The following SVOPL variants were observed in gnomAD, a reference collection of about 807,000 sequenced individuals.
SVOPL encodes SVOP like, also known as putative transporter SVOPL.
A neutral mutation model predicts 61.0 loss-of-function variants in SVOPL; 60 were observed. That is an observed-to-expected ratio of 0.98 (90% CI 0.80 to 1.22). The LOEUF (loss-of-function observed/expected upper bound fraction) is 1.22. Ranked by LOEUF, SVOPL falls within the 50% of genes most tolerant of loss-of-function variation. The pLI is 0.00. For missense variants in SVOPL, 662 were observed against 643.9 expected (o/e 1.03, Z -0.30); for synonymous variants, 279 against 250.0 (o/e 1.12, Z -1.09).
intron 15 of SVOPL, among the ~76,000 whole-genome samples, chr7:138,595,281 G>C (rs1798233650): frequency 6.6e-6 from 1 of 152,208 alleles, no homozygotes; most frequent in South Asian, 2.1e-4. Flanking sequence ...TGTCAGTCAG[G>C]TGGTTTCATA....
intron 1 of SVOPL, among the ~76,000 whole-genome samples, chr7:138,700,827 C>T (rs1803180260): frequency 6.6e-6 from 1 of 152,144 alleles, no homozygotes; most frequent in Admixed American, 6.6e-5. Flanking sequence ...GAAAGTAATC[C>T]ATGACCTACC....
At chr7:138,663,441 G>C (rs142619339) in intron 4 of SVOPL, 18,164 of 1,236,194 alleles carry the variant, frequency 0.015, 217 homozygotes, top group South Asian at 0.056. Flanking sequence ...ATGTGTACTT[G>C]TGAATTTCCA....
In SVOPL at chr7:138,649,040, G is replaced by A. The variant is rs759250556; in HGVS notation, c.632C>T (p.Pro211Leu). 1.7e-5 allele frequency: 28 copies of A among 1,613,772 alleles called. No homozygotes were observed. The South Asian group carries it at 2.0e-4, about 11-fold the overall frequency. ...GAAGGCCACGATGAGGATGATGCCC[G>A]GGATGGAGGCGACGCGAATGAGCCA... is the stretch of plus-strand genomic sequence containing the variant. ...WRWLIRVASI[P>L]GIILIVAFKF... The change falls in exon 8 of 16, where the codon CCG (proline) becomes CTG (leucine). Residue 211 changes from proline (P) to leucine (L), a missense_variant. By Grantham distance (98) the Pro-to-Leu change is moderately conservative. Transcript: ENST00000674285.
At chr7:138,691,541 C>T (rs10249820) in intron 1 of SVOPL, among the ~76,000 whole-genome samples, 40,333 of 152,016 alleles carry the variant, frequency 0.27, 7,012 homozygotes, top group African/African-American at 0.47. Flanking sequence ...GCTGTTGTTG[C>T]TGTCGTTGTT....
At chr7:138,679,117 A>G in intron 1 of SVOPL, 38 bp from the exon 2 acceptor site, 1 of 1,400,648 alleles carries the variant, frequency 7.1e-7, no homozygotes, top group South Asian at 1.3e-5. Flanking sequence ...AAAGAAATAT[A>G]ATGGTTATTG....
chr7:138,674,622 C>T lies in SVOPL; in HGVS notation c.175-2505G>A, dbSNP rs186048371. ...CTGTAATCCCAGCACTTTGGGAGGC[C>T]GAGGCGGGCAGATCATGAGGTCAGG... On this transcript the variant is annotated intron_variant, in intron 3 of 15. Coordinates refer to ENST00000674285, the MANE Select transcript of SVOPL (RefSeq NM_001139456.2). Among the ~76,000 whole-genome samples, 5 of 151,858 alleles carry T rather than the reference C, an allele frequency of 3.3e-5. No homozygotes were observed. The East Asian group carries it at 9.7e-4, about 30-fold the overall frequency.
At chr7:138,625,463 T>A (rs1799850335) in intron 13 of SVOPL, among the ~76,000 whole-genome samples, 1 of 152,092 alleles carries the variant, frequency 6.6e-6, no homozygotes, top group Non-Finnish European at 1.5e-5. Flanking sequence ...AAGTGGGAGG[T>A]TTATGAGGAA....
chr7:138,686,739 T>G (rs1290755982), intron 1 of SVOPL, among the ~76,000 whole-genome samples: 1 of 151,980 alleles, frequency 6.6e-6, no homozygotes, highest in Non-Finnish European at 1.5e-5. Context: ...TAATTTTGTA[T>G]TTTTAGTAGA....
intron 4 of SVOPL, among the ~76,000 whole-genome samples, chr7:138,666,561 A>G (rs1027110298): frequency 2.0e-4 from 30 of 152,180 alleles, no homozygotes; most frequent in Admixed American, 2.0e-3. Flanking sequence ...CTGAGATATC[A>G]AGCTGATTTA....
In SVOPL at chr7:138,637,475, G is replaced by GAT. The variant is rs1198640384; in HGVS notation, c.789+7240_789+7241dup. On this transcript the variant is annotated intron_variant, in intron 9 of 15. Coordinates refer to ENST00000674285, the MANE Select transcript of SVOPL (RefSeq NM_001139456.2). Reference sequence around the variant, plus strand: ...AGATAGATATATATATATAGATATAGATATAGATATAGATAGATATATATA... The same window carrying GAT: ...AGATAGATATATATATATAGATATAGATATATAGATATAGATAGATATATATA... Among the ~76,000 whole-genome samples, 32 of 14,146 alleles carry GAT rather than the reference G, an allele frequency of 2.3e-3. 1 individual carries two copies. The highest frequency in any genetic ancestry group is 8.4e-3 in the African/African-American group (30 of 3,552). The allele number at this position is 14,146 out of a possible 152,430, so 9.3% of individuals were successfully genotyped here.
chr7:138,631,993 C>CACACACACACACA (rs1563104619), intron 9 of SVOPL, among the ~76,000 whole-genome samples: 1 of 149,566 alleles, frequency 6.7e-6, no homozygotes, highest in Admixed American at 6.6e-5. Context: ...CATACACACA[C>CACACACACACACA]CCCTACACCC....
In SVOPL at chr7:138,625,850, ATTGTT is replaced by A. The variant is rs1457599104; in HGVS notation, c.1263+114_1263+118del. The A allele has an allele frequency of 8.0e-6, 8 of 993,828 alleles. No homozygotes were observed. In the Admixed American group the frequency reaches 2.0e-4, roughly 25 times the overall value. 61.6% of individuals were successfully genotyped at this position (993,828 alleles called of 1,614,324 possible). On this transcript the variant is annotated intron_variant, in intron 13 of 15. Coordinates refer to ENST00000674285, the MANE Select transcript of SVOPL (RefSeq NM_001139456.2). Reference sequence around the variant, plus strand: ...TAAACTTCTGGTGTCTTTTTAACAGATTGTTTTTAGAAAATCATCAAAAGTCAACA... The same window carrying A: ...TAAACTTCTGGTGTCTTTTTAACAGATTTAGAAAATCATCAAAAGTCAACA...
intron 3 of SVOPL, among the ~76,000 whole-genome samples, chr7:138,673,904 A>C (rs1802490336): frequency 6.6e-6 from 1 of 151,986 alleles, no homozygotes; most frequent in Admixed American, 6.6e-5. Context: ...ACCAGGACTG[A>C]CCAGGCGAGG....
intron 14 of SVOPL, among the ~76,000 whole-genome samples, chr7:138,608,817 C>G (rs1447352902): frequency 6.6e-6 from 1 of 152,084 alleles, no homozygotes; most frequent in Non-Finnish European, 1.5e-5. Flanking sequence ...ATTTGAGTGT[C>G]TATGAACCCC....
At chr7:138,638,474 C>T (rs914497011) in intron 9 of SVOPL, among the ~76,000 whole-genome samples, 2 of 151,882 alleles carry the variant, frequency 1.3e-5, no homozygotes, top group African/African-American at 4.8e-5. Flanking sequence ...ATTTGGAAGA[C>T]AATAATTGGC....
At chr7:138,667,086 T>C (rs905134571) in intron 4 of SVOPL, among the ~76,000 whole-genome samples, 1 of 152,034 alleles carries the variant, frequency 6.6e-6, no homozygotes, top group East Asian at 1.9e-4. Flanking sequence ...CCAAAGTTAA[T>C]AAGAGGAGTT....
intron 13 of SVOPL, among the ~76,000 whole-genome samples, chr7:138,623,743 A>G (rs962710333): frequency 6.6e-6 from 1 of 152,240 alleles, no homozygotes; most frequent in Non-Finnish European, 1.5e-5. Flanking sequence ...TTATAAATTT[A>G]CAAAATAACT....
At chr7:138,684,499 T>C (rs1016133940) in intron 1 of SVOPL, among the ~76,000 whole-genome samples, 1 of 151,984 alleles carries the variant, frequency 6.6e-6, no homozygotes, top group Non-Finnish European at 1.5e-5. Context: ...CCAGTACAAA[T>C]GGCCAATGAA....
chr7:138,630,951 G>GAAAAAAAAAAAAAAAAAAAAAA (rs57139655), intron 9 of SVOPL, among the ~76,000 whole-genome samples: 3 of 76,338 alleles, frequency 3.9e-5, no homozygotes, highest in Non-Finnish European at 6.5e-5. Flanking sequence ...CTCAAAAAAA[G>GAAAAAAAAAAAAAAAAAAAAAA]AAAAAAAAAA....
Sources: allele counts gnomAD v4.1 joint callset (sites outside exome capture counted in the v4.1 genomes callset), GRCh38; gene constraint gnomAD v4.1.1; transcripts MANE v1.5; gene names NCBI Gene and HGNC (gene_info 2026-07-23, HGNC 2026-07-21).